The following TP63 variants were observed in gnomAD, a reference collection of about 807,000 sequenced individuals.
TP63 encodes tumor protein 63.
In TP63, 17 loss-of-function variants were observed where a neutral mutation model predicts 82.8. The ratio of observed to expected loss-of-function variants is 0.21; its 90% CI spans 0.14 to 0.31. TP63 has a LOEUF of 0.31. Among genes scored for constraint, TP63 ranks in the 10% least tolerant of loss-of-function variants. The probability of loss-of-function intolerance (pLI) is 1.00; values close to 1 mark genes in which losing one functional copy is unlikely to be tolerated. For synonymous variants in TP63, 330 were observed against 321.7 expected (o/e 1.03, Z -0.28); for missense variants, 648 against 895.3 (o/e 0.72, Z 3.52).
At chr3:189,770,891 G>A (rs1037647238) in intron 3 of TP63, among the ~76,000 whole-genome samples, 4 of 152,132 alleles carry the variant, frequency 2.6e-5, no homozygotes, top group Non-Finnish European at 5.9e-5. Flanking sequence ...AAGATTTGAA[G>A]AATGATACTT....
intron 9 of TP63, among the ~76,000 whole-genome samples, chr3:189,871,370 AAATGT>A (rs973645937): frequency 7.9e-5 from 12 of 152,208 alleles, no homozygotes; most frequent in Non-Finnish European, 1.3e-4. Flanking sequence ...TGTAATAAAT[AAATGT>A]AATGTAATAA....
chr3:189,746,504 CAAAG>C (rs1721387695), intron 3 of TP63, among the ~76,000 whole-genome samples: 1 of 151,146 alleles, frequency 6.6e-6, no homozygotes, highest in South Asian at 2.1e-4. Flanking sequence ...AACATAAAAA[CAAAG>C]AAAAGTCTCA....
At chr3:189,610,720 T>A in the TP63 span, among the ~76,000 whole-genome samples, 12 of 152,222 alleles carry the variant, frequency 7.9e-5, no homozygotes, top group Non-Finnish European at 1.5e-4. Flanking sequence ...AGATATCTTT[T>A]CAGCAGTGCC....
chr3:189,622,971 T>C, the TP63 span, among the ~76,000 whole-genome samples: 6 of 152,234 alleles, frequency 3.9e-5, no homozygotes, highest in Admixed American at 3.9e-4. Context: ...TTTTTCTAAG[T>C]AAATGATCTC....
intron 3 of TP63, among the ~76,000 whole-genome samples, chr3:189,787,352 T>C (rs1724690679): frequency 6.6e-6 from 1 of 152,104 alleles, no homozygotes; most frequent in Non-Finnish European, 1.5e-5. Context: ...AGCTCTGCCC[T>C]CATTTCACAA....
chr3:189,873,289 A>G (rs1168888132), intron 10 of TP63: 1 of 461,196 alleles, frequency 2.2e-6, no homozygotes, highest in African/African-American at 2.0e-5. Flanking sequence ...GTCCATACAC[A>G]CTAACAGTAA....
At chr3:189,668,113 A>G (rs553830811) in intron 1 of TP63, among the ~76,000 whole-genome samples, 32 of 152,216 alleles carry the variant, frequency 2.1e-4, no homozygotes, top group African/African-American at 7.2e-4. Context: ...TTGAGAAAAA[A>G]AATTAGGCAT....
At chr3:189,801,463 T>G (rs768771500) in intron 3 of TP63, among the ~76,000 whole-genome samples, 1 of 152,210 alleles carries the variant, frequency 6.6e-6, no homozygotes, top group Non-Finnish European at 1.5e-5. Flanking sequence ...CTTCTGATTT[T>G]CATTTTGTTG....
At chr3:189,759,868 G>T (rs544377760) in intron 3 of TP63, among the ~76,000 whole-genome samples, 1 of 152,314 alleles carries the variant, frequency 6.6e-6, no homozygotes, top group South Asian at 2.1e-4. Flanking sequence ...TGGACTTACA[G>T]TTCCACATGG....
intron 4 of TP63, among the ~76,000 whole-genome samples, chr3:189,850,901 T>C (rs146321417): frequency 1.3e-5 from 2 of 152,218 alleles, no homozygotes; most frequent in African/African-American, 4.8e-5. Flanking sequence ...AATTGTGTGA[T>C]TTATTTTAAA....
At chr3:189,771,401 T>G (rs1054469318) in intron 3 of TP63, among the ~76,000 whole-genome samples, 11 of 138,374 alleles carry the variant, frequency 7.9e-5, no homozygotes, top group Admixed American at 3.9e-4. Flanking sequence ...ATTAAATATA[T>G]AAGTATATTA....
chr3:189,744,247 T>C lies in TP63; in HGVS notation c.324+5473T>C, dbSNP rs372089177. Among the ~76,000 whole-genome samples the C allele has an allele frequency of 1.2e-4, 19 of 152,284 alleles. 1 individual carries two copies. In the South Asian group the frequency reaches 2.9e-3, roughly 23 times the overall value. On this transcript the variant is annotated intron_variant, in intron 3 of 13. Transcript: ENST00000264731. ...GACAAATCTCACTGCCCGCAGCTGC[T>C]GTCACTGTGGTGGGGCTGAGATGCA...
At position 189,846,916 on chromosome 3, in the gene TP63, T is replaced by A. The variant is rs6787482; in HGVS notation, c.580-17316T>A. 9.9e-5 allele frequency among the ~76,000 whole-genome samples: 15 copies of A among 151,314 alleles called. No individual in the cohort carries two copies. The East Asian group carries it at 1.6e-3, about 16-fold the overall frequency. On this transcript the variant is annotated intron_variant, in intron 4 of 13. Transcript: ENST00000264731. ...CAGGCTGGTCTCGAACTGCTGACCT[T>A]GTGATCCACCCACCTCGGCCTCCCA...
chr3:189,597,928 C>CAACAA, the TP63 span, among the ~76,000 whole-genome samples: 1 of 130,868 alleles, frequency 7.6e-6, no homozygotes. Context: ...GACCCTGCCT[C>CAACAA]AAAAAAAAAA....
intron 1 of TP63, among the ~76,000 whole-genome samples, chr3:189,688,256 G>A (rs1232264065): frequency 6.6e-6 from 1 of 152,190 alleles, no homozygotes; most frequent in African/African-American, 2.4e-5. Context: ...AATAACTCGA[G>A]ATGTCCAGGT....
chr3:189,834,138 G>A (rs1023769969), intron 4 of TP63, among the ~76,000 whole-genome samples: 2 of 152,168 alleles, frequency 1.3e-5, no homozygotes, highest in Admixed American at 1.3e-4. Flanking sequence ...GACTACCGTG[G>A]AGAGCTCAGT....
At chr3:189,880,393 A>T in intron 10 of TP63, 1 of 1,178,584 alleles carries the variant, frequency 8.5e-7, no homozygotes, top group Non-Finnish European at 1.1e-6. Context: ...TTTTCTGCAG[A>T]TTTTGTATCC....
chr3:189,761,498 C>A (rs1422897914), intron 3 of TP63, among the ~76,000 whole-genome samples: 1 of 142,448 alleles, frequency 7.0e-6, no homozygotes, highest in Non-Finnish European at 1.6e-5. Flanking sequence ...CTCATCTCCA[C>A]CTGTGACCAC....
At chr3:189,794,569 A>G (rs1029102280) in intron 3 of TP63, among the ~76,000 whole-genome samples, 1 of 152,052 alleles carries the variant, frequency 6.6e-6, no homozygotes, top group Non-Finnish European at 1.5e-5. Flanking sequence ...TGGTACACTC[A>G]GAAGCATCAA....
Sources: gnomAD v4.1 joint callset for allele counts (sites outside exome capture counted in the v4.1 genomes callset) on GRCh38, gnomAD v4.1.1 for gene constraint, MANE v1.5 for transcripts, NCBI Gene and HGNC (gene_info 2026-07-23, HGNC 2026-07-21) for gene names.